Variants in ITPR2 observed in about 807,000 individuals in gnomAD.
The protein encoded by ITPR2 is inositol 1,4,5-trisphosphate receptor type 2, also known as inositol 1,4,5-trisphosphate-gated calcium channel ITPR2.
ITPR2 carries 207 observed loss-of-function variants against 317.1 expected under a neutral mutation model. That is an observed-to-expected ratio of 0.65 (90% CI 0.58 to 0.73). The LOEUF (loss-of-function observed/expected upper bound fraction) is 0.73, where lower values mean the gene tolerates loss of function less well. Ranked by LOEUF, ITPR2 falls within the 30% of genes least tolerant of loss-of-function variation. The probability of loss-of-function intolerance (pLI) is 0.00; values close to 1 mark genes in which losing one functional copy is unlikely to be tolerated. For missense variants in ITPR2, 2,613 were observed against 3,284.0 expected (o/e 0.80, Z 4.99); for synonymous variants, 1,156 against 1,149.1 (o/e 1.01, Z -0.12).
At chr12:26,478,760 A>G (rs1446810096) in intron 43 of ITPR2, among the ~76,000 whole-genome samples, 1 of 152,092 alleles carries the variant, frequency 6.6e-6, no homozygotes, top group Non-Finnish European at 1.5e-5. Context: ...ACAAAACAAA[A>G]CAAATCTTTA....
At chr12:26,819,278 TC>T (rs2137288293) in intron 1 of ITPR2, among the ~76,000 whole-genome samples, 1 of 152,334 alleles carries the variant, frequency 6.6e-6, no homozygotes, top group South Asian at 2.1e-4. Flanking sequence ...CTGGAGAATT[TC>T]AAATTCTTGA....
At chr12:26,342,861 G>A (rs1310124725) in intron 55 of ITPR2, among the ~76,000 whole-genome samples, 3 of 151,726 alleles carry the variant, frequency 2.0e-5, no homozygotes, top group Non-Finnish European at 2.9e-5. Context: ...CGCCTGCCTC[G>A]GCTTCCCAAA....
chr12:26,444,834 C>T (rs1941570639), intron 45 of ITPR2, among the ~76,000 whole-genome samples: 1 of 152,090 alleles, frequency 6.6e-6, no homozygotes, highest in Admixed American at 6.6e-5. Flanking sequence ...ATTGATGCTG[C>T]TCTAGAGCAA....
At chr12:26,353,583 G>A (rs1938545607) in intron 55 of ITPR2, among the ~76,000 whole-genome samples, 2 of 152,168 alleles carry the variant, frequency 1.3e-5, no homozygotes, top group Admixed American at 1.3e-4. Context: ...GTTATGCTGA[G>A]GTTCAAATAA....
chr12:26,605,124 A>ATATATATATATATATATATATATAT (rs1268947338), intron 26 of ITPR2, among the ~76,000 whole-genome samples: 1 of 83,874 alleles, frequency 1.2e-5, no homozygotes, highest in Non-Finnish European at 2.6e-5. Flanking sequence ...ATAAAAAATA[A>ATATATATATATATATATATATATAT]AAATATATAT....
intron 15 of ITPR2, 71 bp from the exon 16 acceptor site, chr12:26,659,356 C>G: frequency 7.8e-7 from 1 of 1,281,916 alleles, no homozygotes; most frequent in Non-Finnish European, 1.1e-6. Flanking sequence ...TTAGGGTCAA[C>G]AACATTGATT....
chr12:26,534,564 T>A (rs1944032856), intron 37 of ITPR2, among the ~76,000 whole-genome samples: 1 of 152,184 alleles, frequency 6.6e-6, no homozygotes, highest in South Asian at 2.1e-4. Context: ...CAACGGAGTA[T>A]TCTCACTTCA....
intron 26 of ITPR2, among the ~76,000 whole-genome samples, chr12:26,609,268 C>T (rs1406284754): frequency 6.6e-6 from 1 of 152,116 alleles, no homozygotes; most frequent in Non-Finnish European, 1.5e-5. Flanking sequence ...ATAAAAGAAA[C>T]CATATGGGTA....
intron 4 of ITPR2, 70 bp from the exon 5 acceptor site, chr12:26,722,625 T>A: frequency 2.6e-6 from 3 of 1,170,278 alleles, no homozygotes; most frequent in Non-Finnish European, 2.5e-6. Context: ...TCATATGTTT[T>A]ATACATGTAT....
chr12:26,619,333 T>G (rs1207501975), intron 26 of ITPR2, among the ~76,000 whole-genome samples: 1 of 152,238 alleles, frequency 6.6e-6, no homozygotes, highest in Non-Finnish European at 1.5e-5. Flanking sequence ...CACTGTTGGT[T>G]GCTAACCAAC....
intron 52 of ITPR2, among the ~76,000 whole-genome samples, chr12:26,407,570 G>A (rs1940392713): frequency 6.6e-6 from 1 of 152,152 alleles, no homozygotes; most frequent in Admixed American, 6.5e-5. Flanking sequence ...ATTGTCTTTA[G>A]TAGGTATAAA....
At chr12:26,738,841 C>A (rs1592085208) in intron 2 of ITPR2, among the ~76,000 whole-genome samples, 3 of 152,206 alleles carry the variant, frequency 2.0e-5, no homozygotes, top group Admixed American at 6.5e-5. Context: ...AAGATTAGGT[C>A]TTTTCTATTT....
chr12:26,398,004 G>A (rs1355605388), intron 54 of ITPR2, among the ~76,000 whole-genome samples: 2 of 151,020 alleles, frequency 1.3e-5, no homozygotes, highest in Non-Finnish European at 2.9e-5. Flanking sequence ...TGAGAAGGAA[G>A]GAGAAGGCTG....
At chr12:26,489,192 A>AT (rs143211703) in intron 39 of ITPR2, among the ~76,000 whole-genome samples, 6,586 of 152,274 alleles carry the variant, frequency 0.043, 414 homozygotes, top group African/African-American at 0.14. Context: ...TAAAGACATG[A>AT]TTTTTGCTTA....
Position 26,686,556 on chromosome 12 carries a change from G to C in ITPR2, c.1073C>G (p.Pro358Arg). 1 of 1,612,148 alleles carries C rather than the reference G, an allele frequency of 6.2e-7. No individual in the cohort carries two copies. Among genetic ancestry groups the C allele is most frequent in the Non-Finnish European group, 8.5e-7 (1 of 1,178,820 alleles). Residue 358 changes from proline (P) to arginine (R), a missense_variant, in exon 11 of 57, where the codon CCG (proline) becomes CGG (arginine). By Grantham distance (103) the Pro-to-Arg change is moderately radical (BLOSUM62 -2). This residue lies in a region of ITPR2 where 515 missense variants were observed against 789.4 expected (regional missense o/e 0.65). Coordinates refer to ENST00000381340, the MANE Select transcript of ITPR2 (RefSeq NM_002223.4). ...AAGGGATGCAATGTCATTGCCATGC[G>C]GGACTGAAACCAAAGTATACATGAT... ...EKIMYTLVSV[P>R]HGNDIASLFE...
chr12:26,829,339 C>A (rs1951062014), intron 1 of ITPR2, among the ~76,000 whole-genome samples: 1 of 147,364 alleles, frequency 6.8e-6, no homozygotes, highest in Non-Finnish European at 1.5e-5. Flanking sequence ...TTCATAGCAC[C>A]TTTTTTTTTT....
chr12:26,560,433 T>G (rs985977476), intron 35 of ITPR2, among the ~76,000 whole-genome samples: 8 of 152,162 alleles, frequency 5.3e-5, no homozygotes, highest in African/African-American at 1.7e-4. Flanking sequence ...TATTTTCCAT[T>G]GCCCTCCTAT....
intron 18 of ITPR2, among the ~76,000 whole-genome samples, chr12:26,657,224 C>T (rs943310992): frequency 5.3e-5 from 8 of 152,204 alleles, no homozygotes; most frequent in Non-Finnish European, 1.2e-4. Flanking sequence ...TCAGTACTTC[C>T]GCTGCCATAT....
chr12:26,724,988 C>T (rs527583662), intron 3 of ITPR2, among the ~76,000 whole-genome samples: 1 of 152,024 alleles, frequency 6.6e-6, no homozygotes, highest in Admixed American at 6.6e-5. Context: ...GATGACTCCC[C>T]AAAGGGAGCA....
Sources: allele counts gnomAD v4.1 joint callset (sites outside exome capture counted in the v4.1 genomes callset), GRCh38; gene constraint gnomAD v4.1.1; regional missense constraint gnomAD v4.1.1; transcripts MANE v1.5; gene names NCBI Gene and HGNC (gene_info 2026-07-23, HGNC 2026-07-21).